The following FARP1 variants were observed in gnomAD, a reference collection of about 807,000 sequenced individuals.
FARP1 encodes FERM, ARH/RhoGEF and pleckstrin domain protein 1.
FARP1 carries 52 observed loss-of-function variants against 128.8 expected under a neutral mutation model. That is an observed-to-expected ratio of 0.40 (90% CI 0.32 to 0.51). FARP1 has a LOEUF of 0.51. Ranked by LOEUF, FARP1 falls within the 20% of genes least tolerant of loss-of-function variation. The pLI is 0.45. For missense variants in FARP1, 1,333 were observed against 1,367.9 expected (o/e 0.97, Z 0.40); for synonymous variants, 580 against 551.8 (o/e 1.05, Z -0.72).
At chr13:98,244,287 TA>T (rs938455432) in intron 2 of FARP1, among the ~76,000 whole-genome samples, 2 of 151,978 alleles carry the variant, frequency 1.3e-5, no homozygotes, top group African/African-American at 4.9e-5. Context: ...ATCTGGTATA[TA>T]AAAAATTGTA....
intron 1 of FARP1, among the ~76,000 whole-genome samples, chr13:98,195,709 A>G (rs1879530167): frequency 6.6e-6 from 1 of 152,114 alleles, no homozygotes; most frequent in Non-Finnish European, 1.5e-5. Flanking sequence ...TAAGACATTT[A>G]CAACTTTCAT....
chr13:98,258,047 C>T (rs1430546227), intron 2 of FARP1, among the ~76,000 whole-genome samples: 6 of 152,084 alleles, frequency 3.9e-5, no homozygotes, highest in Admixed American at 3.9e-4. Flanking sequence ...GATCTTGGCT[C>T]ACTGCAAGCT....
At chr13:98,417,117 G>A (rs898358702) in intron 16 of FARP1, among the ~76,000 whole-genome samples, 1 of 152,138 alleles carries the variant, frequency 6.6e-6, no homozygotes, top group East Asian at 1.9e-4. Flanking sequence ...TCATGAAAAT[G>A]GGAGGGAAGT....
chr13:98,406,662 C>G (rs148182126), intron 13 of FARP1: 1 of 152,404 alleles, frequency 6.6e-6, no homozygotes, highest in East Asian at 1.9e-4. Flanking sequence ...TAATCCTGAG[C>G]TGTTCCTTCG....
chr13:98,438,656 TTGCACGCTCGCAGTCCGTTCTTGGGGTC>T (rs1408694267), intron 19 of FARP1, 120 bp from the exon 20 acceptor site: 15 of 639,124 alleles, frequency 2.3e-5, no homozygotes, highest in Middle Eastern at 4.3e-4. Context: ...GCCAGTAGGT[TTGCACGCTCGCAGTCCGTTCTTGGGGTC>T]TGCACGCTCG....
chr13:98,245,914 G>A (rs1022412815), intron 2 of FARP1, among the ~76,000 whole-genome samples: 1 of 150,804 alleles, frequency 6.6e-6, no homozygotes, highest in African/African-American at 2.4e-5. Flanking sequence ...GACTACAGAT[G>A]CACGCCGCCA....
At chr13:98,218,757 A>G (rs1343090362) in intron 2 of FARP1, among the ~76,000 whole-genome samples, 5 of 152,216 alleles carry the variant, frequency 3.3e-5, no homozygotes, top group Admixed American at 3.3e-4. Context: ...ACTGCACTCC[A>G]TGCTGCACTC....
chr13:98,444,560 G>A (rs117248183), intron 24 of FARP1, among the ~76,000 whole-genome samples: 1,722 of 152,314 alleles, frequency 0.011, 23 homozygotes, highest in Non-Finnish European at 0.019. Flanking sequence ...CCCGTAACAC[G>A]CTGGAGGCCA....
At chr13:98,189,931 C>T (rs1879115534) in intron 1 of FARP1, among the ~76,000 whole-genome samples, 2 of 152,122 alleles carry the variant, frequency 1.3e-5, no homozygotes, top group South Asian at 2.1e-4. Flanking sequence ...AACATTTTTA[C>T]CTTTTTCATG....
intron 12 of FARP1, among the ~76,000 whole-genome samples, chr13:98,394,095 C>T (rs1241175449): frequency 6.6e-6 from 1 of 152,190 alleles, no homozygotes; most frequent in Non-Finnish European, 1.5e-5. Context: ...GGTGTAACTC[C>T]TGCCTGGTGC....
intron 1 of FARP1, among the ~76,000 whole-genome samples, chr13:98,150,478 A>T (rs931696918): frequency 6.6e-6 from 1 of 152,240 alleles, no homozygotes; most frequent in African/African-American, 2.4e-5. Context: ...CTTTGTAAAG[A>T]TCTACATAGT....
chr13:98,282,447 T>C (rs1427568672), intron 2 of FARP1, among the ~76,000 whole-genome samples: 2 of 152,116 alleles, frequency 1.3e-5, no homozygotes, highest in Non-Finnish European at 2.9e-5. Context: ...CAAAAGTAAA[T>C]AGTAACTCAA....
In FARP1 at chr13:98,449,567, A is replaced by AC. The variant is rs1893084719; in HGVS notation, c.*1252dup. On this transcript the variant is annotated 3_prime_UTR_variant, in exon 27 of 27. Coordinates refer to ENST00000319562, the MANE Select transcript of FARP1 (RefSeq NM_005766.4). The stretch of plus-strand genomic sequence containing the variant: ...GCGCCCCGCACCATAGCACCTGCCC[A>AC]CCTGAGAACCAGGAACGCACCCTCT... The AC allele has an allele frequency of 1.3e-5, 2 of 152,442 alleles. No individual in the cohort carries two copies. The highest frequency in any genetic ancestry group is 1.3e-4 in the Admixed American group (2 of 15,264). The allele number at this position is 152,442 out of a possible 1,614,324, so 9.4% of individuals were successfully genotyped here. A position where few individuals can be genotyped will look rare whatever the true frequency, so the allele number is the denominator to read the frequency against.
At position 98,360,090 on chromosome 13, in the gene FARP1, C is replaced by CTTTT. The variant is rs55859311; in HGVS notation, c.277-5284_277-5281dup. On this transcript the variant is annotated intron_variant, in intron 3 of 26. Coordinates refer to ENST00000319562, the MANE Select transcript of FARP1 (RefSeq NM_005766.4). ...GTGAGTGTATTCAGAGATTGTGTTGCTTTTTTTTTTTTTTTTTTTTTTTTG... is the reference window on the plus strand; with the variant it reads ...GTGAGTGTATTCAGAGATTGTGTTGCTTTTTTTTTTTTTTTTTTTTTTTTTTTTG... Among the ~76,000 whole-genome samples the CTTTT allele has an allele frequency of 6.6e-4, 69 of 104,602 alleles. 1 individual carries two copies. Among genetic ancestry groups the CTTTT allele is most frequent in the African/African-American group, 1.0e-3 (26 of 25,150 alleles). The allele number at this position is 104,602 out of a possible 152,430, so 68.6% of individuals were successfully genotyped here.
In FARP1 at chr13:98,450,978, G is replaced by A. The variant is rs978398122; in HGVS notation, c.*2661G>A. 6.6e-6 allele frequency: 1 copy of A among 152,250 alleles called. No homozygotes were observed. The highest frequency in any genetic ancestry group is 2.4e-5 in the African/African-American group (1 of 41,442). The allele number at this position is 152,250 out of a possible 1,614,324, so 9.4% of individuals were successfully genotyped here. A position where few individuals can be genotyped will look rare whatever the true frequency, so the allele number is the denominator to read the frequency against. On this transcript the variant is annotated 3_prime_UTR_variant, in exon 27 of 27. Coordinates refer to ENST00000319562, the MANE Select transcript of FARP1 (RefSeq NM_005766.4). ...GAAATGCTGCCAGTCAACTCTAAAA[G>A]AACCACTTGTTGCTCTACGGGGGAA...
chr13:98,170,944 A>G (rs73559598), intron 1 of FARP1, among the ~76,000 whole-genome samples: 1,632 of 150,358 alleles, frequency 0.011, 23 homozygotes, highest in African/African-American at 0.038. Flanking sequence ...GGGCTTGTCA[A>G]TTGTTGATTT....
intron 3 of FARP1, among the ~76,000 whole-genome samples, chr13:98,360,158 C>T (rs1888811445): frequency 7.5e-6 from 1 of 133,170 alleles, no homozygotes; most frequent in Middle Eastern, 4.6e-3. Context: ...TGCAATGGTG[C>T]TGTCTCAAAT....
At chr13:98,344,707 G>A (rs1181737296) in intron 3 of FARP1, among the ~76,000 whole-genome samples, 2 of 152,218 alleles carry the variant, frequency 1.3e-5, no homozygotes, top group African/African-American at 2.4e-5. Context: ...GGGAAGAGCC[G>A]TCAGAGGCAG....
chr13:98,225,468 G>A lies in FARP1; in HGVS notation c.171+12055G>A, dbSNP rs900957828. Among the ~76,000 whole-genome samples the A allele has an allele frequency of 4.6e-5, 7 of 152,284 alleles. No individual in the cohort carries two copies. The East Asian group carries it at 5.8e-4, about 13-fold the overall frequency. ...ACTCTCGCTCCAAGTACAACAGTAC[G>A]AGTGTTTGCTAACTGTGGACTCTGC... On this transcript the variant is annotated intron_variant, in intron 2 of 26. Coordinates refer to ENST00000319562, the MANE Select transcript of FARP1 (RefSeq NM_005766.4).
Sources: allele counts gnomAD v4.1 joint callset (sites outside exome capture counted in the v4.1 genomes callset), GRCh38; gene constraint gnomAD v4.1.1; transcripts MANE v1.5; gene names NCBI Gene and HGNC (gene_info 2026-07-23, HGNC 2026-07-21).